The following CADM2 variants were observed in gnomAD, a reference collection of about 807,000 sequenced individuals.
CADM2 encodes the protein cell adhesion molecule 2.
In CADM2, 12 loss-of-function variants were observed where a neutral mutation model predicts 49.8. The ratio of observed to expected loss-of-function variants is 0.24; its 90% confidence interval spans 0.15 to 0.39. The LOEUF (loss-of-function observed/expected upper bound fraction) is 0.39, where lower values mean the gene tolerates loss of function less well. Among genes scored for constraint, CADM2 ranks in the 10% least tolerant of loss-of-function variants. The probability of loss-of-function intolerance (pLI) is 1.00; values close to 1 mark genes in which losing one functional copy is unlikely to be tolerated. For synonymous variants in CADM2, 214 were observed against 175.4 expected (o/e 1.22, Z -1.74); for missense variants, 378 against 492.3 (o/e 0.77, Z 2.20).
chr3:85,889,174 T>C (rs1041594497), intron 5 of CADM2, among the ~76,000 whole-genome samples: 1 of 152,220 alleles, frequency 6.6e-6, no homozygotes, highest in African/African-American at 2.4e-5. Context: ...TTCCTAAAAA[T>C]AGAAACGTTT....
At chr3:85,139,649 A>C (rs570446467) in intron 1 of CADM2, among the ~76,000 whole-genome samples, 1 of 152,280 alleles carries the variant, frequency 6.6e-6, no homozygotes, top group African/African-American at 2.4e-5. Flanking sequence ...AAGAAGCTTA[A>C]GGAAAATATG....
intron 3 of CADM2, among the ~76,000 whole-genome samples, chr3:85,821,550 G>A (rs2073566985): frequency 6.6e-6 from 1 of 152,052 alleles, no homozygotes; most frequent in South Asian, 2.1e-4. Context: ...AAAGAAAGGG[G>A]GCTGTTTGTT....
intron 1 of CADM2, among the ~76,000 whole-genome samples, chr3:85,413,644 T>C (rs916719460): frequency 6.6e-6 from 1 of 152,092 alleles, no homozygotes; most frequent in African/African-American, 2.4e-5. Flanking sequence ...CACATACTTT[T>C]AAACAGTCGG....
At chr3:85,331,332 T>G (rs1048696933) in intron 1 of CADM2, among the ~76,000 whole-genome samples, 4 of 148,772 alleles carry the variant, frequency 2.7e-5, no homozygotes, top group African/African-American at 1.0e-4. Flanking sequence ...CTATCTCAAT[T>G]TATTCATTTT....
chr3:85,992,691 C>T (rs531164974), intron 8 of CADM2: 2 of 152,202 alleles, frequency 1.3e-5, no homozygotes, highest in African/African-American at 4.8e-5. Context: ...AATGTACGTA[C>T]CTTAATTTAA....
chr3:85,754,804 A>G (rs772557311), intron 2 of CADM2, among the ~76,000 whole-genome samples: 45 of 152,348 alleles, frequency 3.0e-4, no homozygotes, highest in Non-Finnish European at 4.3e-4. Context: ...AAAAGAAACT[A>G]ACATTTTAAC....
chr3:84,987,841 C>T (rs1387491687), intron 1 of CADM2, among the ~76,000 whole-genome samples: 1 of 152,162 alleles, frequency 6.6e-6, no homozygotes, highest in East Asian at 1.9e-4. Context: ...ACTAATGTAC[C>T]ACAACTGTTC....
At chr3:85,961,203 G>T (rs1022083865) in intron 7 of CADM2, among the ~76,000 whole-genome samples, 1 of 150,480 alleles carries the variant, frequency 6.6e-6, no homozygotes, top group African/African-American at 2.5e-5. Context: ...GACTTGAGCA[G>T]GGGACCAGAA....
intron 1 of CADM2, among the ~76,000 whole-genome samples, chr3:85,574,702 G>A (rs895838732): frequency 5.3e-5 from 8 of 152,104 alleles, no homozygotes; most frequent in Admixed American, 5.2e-4. Context: ...TATATACCCA[G>A]TGTAAAATCC....
At chr3:85,815,022 T>C (rs546849419) in intron 3 of CADM2, among the ~76,000 whole-genome samples, 17 of 151,966 alleles carry the variant, frequency 1.1e-4, no homozygotes, top group Non-Finnish European at 2.4e-4. Context: ...CCTGGACACA[T>C]ACACCCTCCC....
At chr3:85,813,825 G>A (rs1258513203) in intron 3 of CADM2, among the ~76,000 whole-genome samples, 1 of 152,040 alleles carries the variant, frequency 6.6e-6, no homozygotes, top group African/African-American at 2.4e-5. Flanking sequence ...TTTGTGTCAG[G>A]TGTGTCAAAG....
At chr3:85,783,806 A>T (rs2070803390) in intron 2 of CADM2, among the ~76,000 whole-genome samples, 1 of 152,176 alleles carries the variant, frequency 6.6e-6, no homozygotes, top group Non-Finnish European at 1.5e-5. Flanking sequence ...AGCATTTAGA[A>T]CTTTGCTTAG....
Position 85,984,072 on chromosome 3 carries a change from G to T in CADM2, c.970+22425G>T, listed in dbSNP as rs183024660. ...TATCTTATATTATACATAATACAATGCTCTGTATTATGTTATATATGATAT... is the reference window on the plus strand; with the variant it reads ...TATCTTATATTATACATAATACAATTCTCTGTATTATGTTATATATGATAT... On this transcript the variant is annotated intron_variant, in intron 8 of 9. Coordinates refer to ENST00000383699, the MANE Select transcript of CADM2 (RefSeq NM_001167675.2). Among the ~76,000 whole-genome samples the T allele has an allele frequency of 3.0e-3, 439 of 148,492 alleles. 1 individual carries two copies. Among genetic ancestry groups the T allele is most frequent in the African/African-American group, 0.01 (414 of 40,696 alleles).
intron 2 of CADM2, among the ~76,000 whole-genome samples, chr3:85,768,309 G>A (rs1251123879): frequency 6.6e-6 from 1 of 151,838 alleles, no homozygotes; most frequent in African/African-American, 2.4e-5. Context: ...AGCCGGGTCT[G>A]GTGGTGGGCA....
intron 5 of CADM2, among the ~76,000 whole-genome samples, chr3:85,895,863 T>C (rs776754558): frequency 6.8e-4 from 104 of 152,160 alleles, no homozygotes; most frequent in Non-Finnish European, 5.0e-4. Context: ...GCTCCTCTTT[T>C]GCTTTCTGTG....
chr3:85,824,071 T>A (rs779450255), intron 3 of CADM2, among the ~76,000 whole-genome samples: 1 of 152,196 alleles, frequency 6.6e-6, no homozygotes, highest in Non-Finnish European at 1.5e-5. Flanking sequence ...TGTAATTTTA[T>A]TCTGGGACGT....
intron 1 of CADM2, among the ~76,000 whole-genome samples, chr3:85,218,735 G>T (rs1319732143): frequency 6.6e-6 from 1 of 152,194 alleles, no homozygotes; most frequent in Admixed American, 6.5e-5. Flanking sequence ...GGCAGAGGTT[G>T]CAGTGAGCCG....
At chr3:85,858,425 T>C (rs898087786) in intron 3 of CADM2, among the ~76,000 whole-genome samples, 1 of 152,218 alleles carries the variant, frequency 6.6e-6, no homozygotes, top group African/African-American at 2.4e-5. Context: ...TTACTAAAAG[T>C]TGATGGCTTT....
At chr3:85,539,454 G>T (rs1254194624) in intron 1 of CADM2, among the ~76,000 whole-genome samples, 7 of 151,972 alleles carry the variant, frequency 4.6e-5, no homozygotes, top group Admixed American at 3.3e-4. Context: ...ATAATGCCTA[G>T]TGTACAGAAA....
Sources: allele counts gnomAD v4.1 joint callset (sites outside exome capture counted in the v4.1 genomes callset), GRCh38; gene constraint gnomAD v4.1.1; transcripts MANE v1.5; gene names NCBI Gene and HGNC (gene_info 2026-07-23, HGNC 2026-07-21).